The following SHLD1 variants were observed in gnomAD, a reference collection of about 807,000 sequenced individuals.
SHLD1 encodes the protein RINN1-REV7-interacting novel NHEJ regulator 3.
Under a neutral mutation model 5.5 loss-of-function variants are expected in SHLD1, and 3 were observed. That is an observed-to-expected ratio of 0.54 (90% CI 0.25 to 1.40). SHLD1 has a LOEUF of 1.40. Among genes scored for constraint, SHLD1 ranks in the 40% most tolerant of loss-of-function variants. SHLD1 has a pLI of 0.15. For synonymous variants in SHLD1, 92 were observed against 94.3 expected (o/e 0.98, Z 0.14); for missense variants, 210 against 244.4 (o/e 0.86, Z 0.94).
intron 2 of SHLD1, among the ~76,000 whole-genome samples, chr20:5,849,929 G>C (rs964577845): frequency 7.3e-6 from 1 of 136,950 alleles, no homozygotes; most frequent in South Asian, 2.3e-4. Flanking sequence ...ACTGCAGTCC[G>C]CAGTCCGGCC....
intron 2 of SHLD1, among the ~76,000 whole-genome samples, chr20:5,790,932 G>A (rs913891334): frequency 6.6e-6 from 1 of 152,152 alleles, no homozygotes; most frequent in Non-Finnish European, 1.5e-5. Flanking sequence ...GGAGGCTGAG[G>A]CAGGTGGATC....
At chr20:5,808,395 C>T (rs1196212281) in intron 2 of SHLD1, among the ~76,000 whole-genome samples, 2 of 152,176 alleles carry the variant, frequency 1.3e-5, no homozygotes, top group Non-Finnish European at 2.9e-5. Context: ...GATAGACATA[C>T]ATACATATGT....
At chr20:5,751,627 A>G (rs1320718831) in intron 1 of SHLD1, among the ~76,000 whole-genome samples, 1 of 152,108 alleles carries the variant, frequency 6.6e-6, no homozygotes, top group Non-Finnish European at 1.5e-5. Context: ...TATGTATAAT[A>G]TTTTCAAAGC....
chr20:5,836,111 CT>C (rs1405478651), intron 2 of SHLD1, among the ~76,000 whole-genome samples: 1 of 145,204 alleles, frequency 6.9e-6, no homozygotes, highest in African/African-American at 2.6e-5. Flanking sequence ...TTTTTTTAAG[CT>C]TTTGATTTTT....
chr20:5,753,088 C>CG (rs760217851), intron 1 of SHLD1, among the ~76,000 whole-genome samples: 2 of 152,224 alleles, frequency 1.3e-5, no homozygotes, highest in South Asian at 2.1e-4. Flanking sequence ...CATGAGCCAC[C>CG]GCACCTGGCC....
At chr20:5,825,063 T>C (rs1311485823) in intron 2 of SHLD1, among the ~76,000 whole-genome samples, 2 of 152,220 alleles carry the variant, frequency 1.3e-5, no homozygotes, top group Non-Finnish European at 2.9e-5. Context: ...GATTCAGCCT[T>C]TGTTGGTTTC....
chr20:5,780,893 C>T (rs974087171), intron 2 of SHLD1, among the ~76,000 whole-genome samples: 5 of 152,148 alleles, frequency 3.3e-5, no homozygotes, highest in Non-Finnish European at 7.3e-5. Context: ...TTGCTATGTG[C>T]CCAACTGCCG....
At chr20:5,845,723 C>G (rs2087925354) in intron 2 of SHLD1, among the ~76,000 whole-genome samples, 1 of 152,200 alleles carries the variant, frequency 6.6e-6, no homozygotes, top group Admixed American at 6.5e-5. Context: ...ACAGATTTCA[C>G]TCCTCATGCC....
chr20:5,760,852 G>A (rs962568598), intron 1 of SHLD1, among the ~76,000 whole-genome samples: 18 of 152,242 alleles, frequency 1.2e-4, no homozygotes, highest in Middle Eastern at 3.4e-3. Flanking sequence ...TTCATTTAGT[G>A]AGACAGCCTG....
intron 1 of SHLD1, among the ~76,000 whole-genome samples, chr20:5,760,761 G>C (rs552366185): frequency 6.6e-6 from 1 of 152,162 alleles, no homozygotes; most frequent in African/African-American, 2.4e-5. Flanking sequence ...TTGGAGGAGG[G>C]TCTGCATTGA....
At chr20:5,859,135 C>A (rs915250046) in intron 2 of SHLD1, among the ~76,000 whole-genome samples, 2 of 152,062 alleles carry the variant, frequency 1.3e-5, no homozygotes, top group East Asian at 3.9e-4. Context: ...CGAATAGGTA[C>A]CAGCAAGAAG....
intron 2 of SHLD1, among the ~76,000 whole-genome samples, chr20:5,830,124 G>A (rs1263507658): frequency 6.6e-6 from 1 of 152,150 alleles, no homozygotes; most frequent in Non-Finnish European, 1.5e-5. Flanking sequence ...CTACTCCCAG[G>A]TAAGTACCTA....
intron 2 of SHLD1, among the ~76,000 whole-genome samples, chr20:5,822,317 G>A (rs1215115231): frequency 6.6e-6 from 1 of 152,016 alleles, no homozygotes; most frequent in African/African-American, 2.4e-5. Flanking sequence ...AAATTAGCCG[G>A]GCGTGGTGAC....
intron 2 of SHLD1, among the ~76,000 whole-genome samples, chr20:5,861,056 G>T (rs1481233981): frequency 6.6e-6 from 1 of 152,222 alleles, no homozygotes; most frequent in East Asian, 1.9e-4. Context: ...GAGCCTCCAG[G>T]CTGGGTCTCA....
intron 1 of SHLD1, among the ~76,000 whole-genome samples, chr20:5,752,311 G>T (rs753728379): frequency 4.6e-5 from 7 of 151,686 alleles, no homozygotes; most frequent in Non-Finnish European, 8.8e-5. Context: ...CACAAGAATT[G>T]CTTGAACCCA....
intron 2 of SHLD1, among the ~76,000 whole-genome samples, chr20:5,839,506 T>TAGATAGAC (rs1226291819): frequency 6.6e-6 from 1 of 151,680 alleles, no homozygotes; most frequent in Non-Finnish European, 1.5e-5. Context: ...GATAGATAGA[T>TAGATAGAC]AGATAGATAG....
chr20:5,843,015 C>G (rs2087884861), intron 2 of SHLD1, among the ~76,000 whole-genome samples: 2 of 152,200 alleles, frequency 1.3e-5, no homozygotes, highest in Non-Finnish European at 2.9e-5. Flanking sequence ...TGTTTGCTGG[C>G]TCACTTTGCT....
chr20:5,825,578 C>A (rs2087656467), intron 2 of SHLD1, among the ~76,000 whole-genome samples: 1 of 152,268 alleles, frequency 6.6e-6, no homozygotes. Context: ...TGGTGATATG[C>A]CACTTAAAAT....
At chr20:5,751,678 A>C (rs1450547454) in intron 1 of SHLD1, among the ~76,000 whole-genome samples, 3 of 152,178 alleles carry the variant, frequency 2.0e-5, no homozygotes, top group African/African-American at 7.2e-5. Context: ...CAAATAAATA[A>C]AACTCTGTAA....
Sources: gnomAD v4.1 joint callset for allele counts (sites outside exome capture counted in the v4.1 genomes callset) on GRCh38, gnomAD v4.1.1 for gene constraint, MANE v1.5 for transcripts, NCBI Gene and HGNC (gene_info 2026-07-23, HGNC 2026-07-21) for gene names.